DENND1A: variants seen among roughly 807,000 people sequenced by gnomAD.
DENND1A encodes the protein DENN domain containing 1A.
DENND1A carries 51 observed loss-of-function variants against 113.7 expected under a neutral mutation model. The observed-to-expected ratio is 0.45, with a 90% CI of 0.36 to 0.57. The LOEUF is 0.57. Among genes scored for constraint, DENND1A ranks in the 20% least tolerant of loss-of-function variants. The pLI, the probability that DENND1A is intolerant of heterozygous loss-of-function variation, is 0.00. For synonymous variants in DENND1A, 565 were observed against 570.8 expected, an observed-to-expected ratio of 0.99 and a Z score of 0.14; for missense variants, 1,258 against 1,395.9, an observed-to-expected ratio of 0.90 and a Z score of 1.57.
At chr9:123,697,471 T>C (rs2140524907) in intron 5 of DENND1A, among the ~76,000 whole-genome samples, 1 of 152,268 alleles carries the variant, frequency 6.6e-6, no homozygotes, top group East Asian at 1.9e-4. Flanking sequence ...ATTTGTGAGA[T>C]TTTGGTGCAC....
chr9:123,747,717 C>T (rs7850870), intron 5 of DENND1A, among the ~76,000 whole-genome samples: 64,249 of 151,982 alleles, frequency 0.42, 16,891 homozygotes, highest in African/African-American at 0.75. Context: ...CAAAATTATA[C>T]TGCTATCTAA....
intron 3 of DENND1A, among the ~76,000 whole-genome samples, chr9:123,776,310 T>C (rs2131742905): frequency 6.6e-6 from 1 of 152,318 alleles, no homozygotes; most frequent in Middle Eastern, 3.4e-3. Context: ...TATTAACGCA[T>C]ACAACTGGTA....
At chr9:123,545,108 A>G (rs28681144) in intron 13 of DENND1A, among the ~76,000 whole-genome samples, 4 of 150,868 alleles carry the variant, frequency 2.7e-5, no homozygotes, top group African/African-American at 9.7e-5. Context: ...AAAAAGAAAA[A>G]AAAAAAGAAC....
intron 2 of DENND1A, among the ~76,000 whole-genome samples, chr9:123,812,533 C>T (rs1025001045): frequency 1.3e-5 from 2 of 152,000 alleles, no homozygotes; most frequent in Non-Finnish European, 2.9e-5. Context: ...GTTGCTAGAA[C>T]GTGAGCACCT....
intron 2 of DENND1A, among the ~76,000 whole-genome samples, chr9:123,841,373 G>A (rs1031157933): frequency 2.6e-5 from 4 of 152,068 alleles, no homozygotes; most frequent in African/African-American, 9.7e-5. Flanking sequence ...TCAAAATAAT[G>A]TTTCTCCAGT....
At chr9:123,461,265 C>A (rs1459072386) in intron 13 of DENND1A, among the ~76,000 whole-genome samples, 1 of 152,224 alleles carries the variant, frequency 6.6e-6, no homozygotes, top group Non-Finnish European at 1.5e-5. Flanking sequence ...ATAGTCTTCA[C>A]TGGTATCCCC....
intron 10 of DENND1A, among the ~76,000 whole-genome samples, chr9:123,614,210 C>T (rs1479040627): frequency 6.6e-6 from 1 of 152,220 alleles, no homozygotes; most frequent in Non-Finnish European, 1.5e-5. Flanking sequence ...GTACTTCAGA[C>T]GCAAGGCTGC....
chr9:123,663,367 ACTG>A (rs766829064), intron 8 of DENND1A, among the ~76,000 whole-genome samples: 21 of 152,172 alleles, frequency 1.4e-4, no homozygotes, highest in Non-Finnish European at 2.5e-4. Context: ...CTTTGATCCA[ACTG>A]CTATTTCAAA....
At chr9:123,392,457 G>A (rs1187487125) in intron 21 of DENND1A, among the ~76,000 whole-genome samples, 1 of 152,134 alleles carries the variant, frequency 6.6e-6, no homozygotes, top group Non-Finnish European at 1.5e-5. Context: ...AAGGATCCTC[G>A]CTTTGTAAAT....
At chr9:123,785,574 A>G (rs1383632009) in intron 3 of DENND1A, among the ~76,000 whole-genome samples, 1 of 152,184 alleles carries the variant, frequency 6.6e-6, no homozygotes, top group African/African-American at 2.4e-5. Flanking sequence ...TTAAACATAT[A>G]CAAAAGAAGC....
At chr9:123,649,232 G>A (rs1435528522) in intron 9 of DENND1A, among the ~76,000 whole-genome samples, 1 of 152,058 alleles carries the variant, frequency 6.6e-6, no homozygotes. Context: ...TCATAAACAT[G>A]GTAGTGCTTT....
At chr9:123,520,431 C>G (rs773296971) in intron 13 of DENND1A, among the ~76,000 whole-genome samples, 1 of 152,146 alleles carries the variant, frequency 6.6e-6, no homozygotes, top group Non-Finnish European at 1.5e-5. Flanking sequence ...ACAGCCTGGC[C>G]AACAACAGCG....
chr9:123,759,514 T>C (rs968398301), intron 4 of DENND1A: 46 of 152,304 alleles, frequency 3.0e-4, no homozygotes, highest in African/African-American at 1.1e-3. Flanking sequence ...AACCTCTGCC[T>C]CCCGGGTTCA....
At chr9:123,392,185 G>A (rs939248394) in intron 21 of DENND1A, among the ~76,000 whole-genome samples, 13 of 152,152 alleles carry the variant, frequency 8.5e-5, no homozygotes, top group East Asian at 3.8e-4. Context: ...TCTCTGCCGC[G>A]CCGGGATCGC....
intron 2 of DENND1A, among the ~76,000 whole-genome samples, chr9:123,796,254 T>G (rs925415182): frequency 1.3e-5 from 2 of 152,158 alleles, no homozygotes; most frequent in Non-Finnish European, 2.9e-5. Context: ...CACAGAAAAG[T>G]GTGTATCACT....
chr9:123,538,847 T>TG (rs2056044904), intron 13 of DENND1A, among the ~76,000 whole-genome samples: 1 of 118,110 alleles, frequency 8.5e-6, no homozygotes. Flanking sequence ...TATATATATA[T>TG]ATATATATAT....
At chr9:123,789,929 TAA>T (rs1159621547) in intron 3 of DENND1A, among the ~76,000 whole-genome samples, 5 of 151,952 alleles carry the variant, frequency 3.3e-5, no homozygotes, top group Admixed American at 1.3e-4. Flanking sequence ...ACACTATATG[TAA>T]AAACAAGCAC....
intron 21 of DENND1A, among the ~76,000 whole-genome samples, chr9:123,397,952 G>A (rs777133924): frequency 1.1e-4 from 17 of 152,172 alleles, no homozygotes; most frequent in Admixed American, 4.6e-4. Flanking sequence ...CAAGACCCTC[G>A]TGTGACTGGA....
At chr9:123,875,855 C>T (rs606659) in intron 2 of DENND1A, among the ~76,000 whole-genome samples, 18,882 of 152,154 alleles carry the variant, frequency 0.12, 1,529 homozygotes, top group African/African-American at 0.23. Context: ...GGAAAGGGCA[C>T]TGGTAGAGGA....
Sources: gnomAD v4.1 joint callset for allele counts (sites outside exome capture counted in the v4.1 genomes callset) on GRCh38, gnomAD v4.1.1 for gene constraint, MANE v1.5 for transcripts, NCBI Gene and HGNC (gene_info 2026-07-23, HGNC 2026-07-21) for gene names.